CIT: variants seen among roughly 807,000 people sequenced by gnomAD.
The protein encoded by CIT is citron rho-interacting serine/threonine kinase, also known as citron Rho-interacting kinase.
CIT carries 79 observed loss-of-function variants against 272.7 expected under a neutral mutation model. That is an observed-to-expected ratio of 0.29 (90% confidence interval 0.24 to 0.35). The LOEUF is 0.35. Ranked by LOEUF, CIT falls within the 10% of genes least tolerant of loss-of-function variation. The pLI, the probability that CIT is intolerant of heterozygous loss-of-function variation, is 1.00. For missense variants in CIT, 1,909 were observed against 2,618.3 expected (o/e 0.73, Z 5.91); for synonymous variants, 948 against 995.6 (o/e 0.95, Z 0.90).
At chr12:119,807,162 C>G (rs1966659774) in intron 9 of CIT, among the ~76,000 whole-genome samples, 1 of 152,212 alleles carries the variant, frequency 6.6e-6, no homozygotes, top group African/African-American at 2.4e-5. Flanking sequence ...CCAGGTGATT[C>G]ATGTGCACAC....
Position 119,710,229 on chromosome 12 carries a change from C to T in CIT, c.5071+22G>A, listed in dbSNP as rs746112143. The T allele has an allele frequency of 6.2e-7, 1 of 1,605,036 alleles. No individual in the cohort carries two copies. On this transcript the variant is annotated intron_variant, in intron 39 of 47. Transcript: ENST00000392521. The surrounding 1 kb of genome is among the most constrained non-coding windows in gnomAD (Gnocchi z 5.6). Reference sequence around the variant, plus strand: ...GGCTCCCTTGAAAGTAAAGAAAAAACACCATGTCCTTGGCCTCACACCTGC... The same window carrying T: ...GGCTCCCTTGAAAGTAAAGAAAAAATACCATGTCCTTGGCCTCACACCTGC...
chr12:119,854,890 C>CA (rs1216666583), intron 4 of CIT, among the ~76,000 whole-genome samples: 4 of 152,042 alleles, frequency 2.6e-5, no homozygotes, highest in African/African-American at 9.6e-5. Context: ...GGCGGGGTTG[C>CA]AGTGAGCCGA....
chr12:119,831,142 G>C (rs1359946436), intron 7 of CIT, among the ~76,000 whole-genome samples: 1 of 152,148 alleles, frequency 6.6e-6, no homozygotes, highest in Non-Finnish European at 1.5e-5. Flanking sequence ...ACAGGTGTGA[G>C]GCACTACACC....
In CIT at chr12:119,697,639, G is replaced by A. The variant is rs759578934; in HGVS notation, c.5882+20C>T. ...AAAGCACGTTGCCCCTGGTACTGAG[G>A]AAGAGGAGAAGCTGGTTACCTGCGG... On this transcript the variant is annotated intron_variant, in intron 46 of 47. Coordinates refer to ENST00000392521, the MANE Select transcript of CIT (RefSeq NM_001206999.2). This position sits in a 1 kb window ranked among gnomAD's most constrained non-coding sequence, Gnocchi z 4.9. 3 of 1,611,592 alleles carry A rather than the reference G, an allele frequency of 1.9e-6. 1 individual carries two copies. Among genetic ancestry groups the A allele is most frequent in the Admixed American group, 1.7e-5 (1 of 59,798 alleles).
At chr12:119,721,663 C>T (rs1034522260) in intron 28 of CIT, among the ~76,000 whole-genome samples, 4 of 152,142 alleles carry the variant, frequency 2.6e-5, no homozygotes, top group Non-Finnish European at 5.9e-5. Context: ...CCAACAAGTC[C>T]GAGGATCCCT....
chr12:119,720,499 G>C lies in CIT; in HGVS notation c.3819C>G (p.Asp1273Glu), dbSNP rs1407030312. The C allele has an allele frequency of 4.4e-6, 7 of 1,607,226 alleles. No homozygotes were observed. Among genetic ancestry groups the C allele is most frequent in the Non-Finnish European group, 5.9e-6 (7 of 1,178,322 alleles). Residue 1273 changes from aspartate to glutamate, a missense_variant, in exon 30 of 48, where the codon GAC (aspartate) becomes GAG (glutamate). Asp to Glu is a conservative substitution (Grantham distance 45). Transcript: ENST00000392521. Reference protein sequence around the residue: ...KLIDFLQAKMDQPAKKKKGLF... With the variant: ...KLIDFLQAKMEQPAKKKKGLF... ...TCACCTTTTTCTTTTTAGCAGGTTG[G>C]TCCATTTTGGCTTGCAGAAAATCAA...
intron 9 of CIT, among the ~76,000 whole-genome samples, chr12:119,809,311 G>T (rs1966769157): frequency 6.6e-6 from 1 of 152,002 alleles, no homozygotes; most frequent in African/African-American, 2.4e-5. Flanking sequence ...AACTCTAAAA[G>T]ACAAGTCTAC....
At chr12:119,815,270 T>C (rs1483432018) in intron 9 of CIT, among the ~76,000 whole-genome samples, 1 of 151,564 alleles carries the variant, frequency 6.6e-6, no homozygotes, top group East Asian at 1.9e-4. Flanking sequence ...GGGTTTTCAT[T>C]TGAGAAGAGC....
chr12:119,734,525 G>T (rs2137253473), intron 25 of CIT, 168 bp from the exon 26 acceptor site: 1 of 693,334 alleles, frequency 1.4e-6, no homozygotes, highest in Non-Finnish European at 2.5e-6. Context: ...TGGATGAAGG[G>T]CCAGTTCTGC....
intron 5 of CIT, among the ~76,000 whole-genome samples, chr12:119,835,255 T>C (rs1488333586): frequency 6.6e-6 from 1 of 152,250 alleles, no homozygotes; most frequent in African/African-American, 2.4e-5. Context: ...TTCACCTCGC[T>C]GCCTTTCAGT....
At chr12:119,850,642 A>G (rs900244903) in intron 4 of CIT, among the ~76,000 whole-genome samples, 18 of 152,222 alleles carry the variant, frequency 1.2e-4, no homozygotes, top group Non-Finnish European at 1.0e-4. Context: ...TTTACCTAAC[A>G]TATTTCTTTA....
At chr12:119,805,352 T>C (rs1966530643) in intron 9 of CIT, among the ~76,000 whole-genome samples, 1 of 152,230 alleles carries the variant, frequency 6.6e-6, no homozygotes, top group Non-Finnish European at 1.5e-5. Flanking sequence ...CAATGGACTA[T>C]TAGGAGGTTT....
At chr12:119,754,507 C>A (rs544811126) in intron 22 of CIT, among the ~76,000 whole-genome samples, 2 of 152,190 alleles carry the variant, frequency 1.3e-5, no homozygotes, top group Non-Finnish European at 2.9e-5. Context: ...AGGGGAGGAG[C>A]GGGAGCTGGA....
chr12:119,864,192 A>C (rs1203532259), intron 3 of CIT, among the ~76,000 whole-genome samples: 1 of 152,162 alleles, frequency 6.6e-6, no homozygotes, highest in Admixed American at 6.6e-5. Context: ...TATATTGAAG[A>C]TCTTATCTAT....
Position 119,785,163 on chromosome 12 carries a change from C to T in CIT, c.1296-98G>A, listed in dbSNP as rs768971233. The T allele has an allele frequency of 6.7e-5, 87 of 1,304,020 alleles. 1 individual carries two copies. Among genetic ancestry groups the T allele is most frequent in the Middle Eastern group, 1.9e-4 (1 of 5,384 alleles). 80.8% of individuals were successfully genotyped at this position (1,304,020 alleles called of 1,614,324 possible). A position where few individuals can be genotyped will look rare whatever the true frequency, so the allele number is the denominator to read the frequency against. On this transcript the variant is annotated intron_variant, in intron 10 of 47. Coordinates refer to ENST00000392521, the MANE Select transcript of CIT (RefSeq NM_001206999.2). The stretch of plus-strand genomic sequence containing the variant: ...TTTGTTTCATTTTACAAAAACATCT[C>T]ATGCTCTTGATGTTAGGTCAAATAA...
intron 41 of CIT, among the ~76,000 whole-genome samples, chr12:119,702,335 G>A (rs1411837754): frequency 2.0e-5 from 3 of 152,000 alleles, no homozygotes; most frequent in Non-Finnish European, 4.4e-5. Flanking sequence ...ATTGTTCCAT[G>A]CAACCCAAAA....
chr12:119,798,729 C>T (rs1223326546), intron 10 of CIT, among the ~76,000 whole-genome samples: 2 of 152,190 alleles, frequency 1.3e-5, no homozygotes, highest in Non-Finnish European at 2.9e-5. Flanking sequence ...TAAGACCCAG[C>T]CTTGCCTTGA....
intron 2 of CIT, among the ~76,000 whole-genome samples, chr12:119,871,118 T>TA (rs34650406): frequency 0.73 from 103,952 of 142,782 alleles, 37,624 homozygotes; most frequent in East Asian, 0.92. Flanking sequence ...CAGTCTGTCT[T>TA]AAAAAAAAAA....
At chr12:119,817,148 T>A (rs1440777716) in intron 9 of CIT, among the ~76,000 whole-genome samples, 3 of 152,142 alleles carry the variant, frequency 2.0e-5, no homozygotes, top group Admixed American at 6.5e-5. Context: ...GAGTTATAGG[T>A]TAGCAGGATG....
Sources: allele counts gnomAD v4.1 joint callset (sites outside exome capture counted in the v4.1 genomes callset), GRCh38; gene constraint gnomAD v4.1.1; non-coding constraint Gnocchi (gnomAD v3.1); transcripts MANE v1.5; gene names NCBI Gene and HGNC (gene_info 2026-07-23, HGNC 2026-07-21).